Variants in TRHDE observed in about 807,000 individuals in gnomAD.
The protein encoded by TRHDE is thyrotropin-releasing hormone-degrading ectoenzyme.
Under a neutral mutation model 125.7 loss-of-function variants are expected in TRHDE, and 72 were observed. The ratio of observed to expected loss-of-function variants is 0.57; its 90% CI spans 0.47 to 0.70. The LOEUF (loss-of-function observed/expected upper bound fraction) is 0.70, where lower values mean the gene tolerates loss of function less well. Ranked by LOEUF, TRHDE falls within the 30% of genes least tolerant of loss-of-function variation. The probability of loss-of-function intolerance (pLI) is 0.00; values close to 1 mark genes in which losing one functional copy is unlikely to be tolerated. For synonymous variants in TRHDE, 509 were observed against 509.1 expected, an observed-to-expected ratio of 1.00 and a Z score of 0.00; for missense variants, 1,110 against 1,327.1, an observed-to-expected ratio of 0.84 and a Z score of 2.54.
At chr12:72,443,192 CTGTGTGTGTGTGTGTGTGTGTG>C (rs58277850) in intron 3 of TRHDE, among the ~76,000 whole-genome samples, 1 of 144,416 alleles carries the variant, frequency 6.9e-6, no homozygotes, top group African/African-American at 2.5e-5. Flanking sequence ...TACTTCTTTC[CTGTGTGTGTGTGTGTGTGTGTG>C]TGTGTGTGTG....
intron 2 of TRHDE, among the ~76,000 whole-genome samples, chr12:72,217,729 T>A (rs1487578175): frequency 1.3e-5 from 2 of 152,098 alleles, no homozygotes; most frequent in African/African-American, 2.4e-5. Context: ...CACAATATAA[T>A]GAATCAGAAA....
At chr12:72,486,716 A>T (rs1877425778) in intron 5 of TRHDE, among the ~76,000 whole-genome samples, 1 of 152,220 alleles carries the variant, frequency 6.6e-6, no homozygotes, top group Non-Finnish European at 1.5e-5. Flanking sequence ...ACCACTAAGT[A>T]TGCAAACATA....
chr12:72,128,490 C>G (rs1875777479), intron 2 of TRHDE, among the ~76,000 whole-genome samples: 1 of 152,260 alleles, frequency 6.6e-6, no homozygotes, highest in Non-Finnish European at 1.5e-5. Context: ...AGAACTGACA[C>G]AGATGTTAAA....
chr12:72,294,785 C>T (rs1437579137), intron 2 of TRHDE, among the ~76,000 whole-genome samples: 1 of 151,994 alleles, frequency 6.6e-6, no homozygotes, highest in Non-Finnish European at 1.5e-5. Context: ...TATCTGCAGG[C>T]CAGCATCAAG....
At chr12:72,392,886 T>A (rs1872660821) in intron 3 of TRHDE, among the ~76,000 whole-genome samples, 1 of 152,196 alleles carries the variant, frequency 6.6e-6, no homozygotes, top group African/African-American at 2.4e-5. Context: ...TTTAAGGGCA[T>A]CCATTTGCTT....
At chr12:72,368,786 T>C (rs2135760525) in intron 2 of TRHDE, among the ~76,000 whole-genome samples, 1 of 152,304 alleles carries the variant, frequency 6.6e-6, no homozygotes, top group East Asian at 1.9e-4. Context: ...CTATGAGATA[T>C]AATTAATTCA....
intron 2 of TRHDE, among the ~76,000 whole-genome samples, chr12:72,226,076 C>G (rs959702820): frequency 3.3e-5 from 5 of 152,216 alleles, no homozygotes; most frequent in Non-Finnish European, 7.3e-5. Context: ...ATCTGCAGAA[C>G]AGTCCACCTT....
chr12:72,327,083 G>A (rs1003290768), intron 2 of TRHDE, among the ~76,000 whole-genome samples: 2 of 148,976 alleles, frequency 1.3e-5, no homozygotes, highest in Non-Finnish European at 3.0e-5. Flanking sequence ...TTTTTTTTTT[G>A]GTGTGACTTC....
At chr12:72,176,035 T>C (rs1452566584) in intron 2 of TRHDE, among the ~76,000 whole-genome samples, 1 of 152,192 alleles carries the variant, frequency 6.6e-6, no homozygotes, top group Non-Finnish European at 1.5e-5. Context: ...GACCACCTTG[T>C]CAGTCAGAGA....
At chr12:72,291,438 C>G (rs1330131543) in intron 2 of TRHDE, among the ~76,000 whole-genome samples, 1 of 152,214 alleles carries the variant, frequency 6.6e-6, no homozygotes, top group Non-Finnish European at 1.5e-5. Context: ...CATTTGGCCC[C>G]ACCCTTTGGG....
At chr12:72,636,646 T>C (rs1475220890) in intron 15 of TRHDE, among the ~76,000 whole-genome samples, 1 of 152,224 alleles carries the variant, frequency 6.6e-6, no homozygotes, top group African/African-American at 2.4e-5. Context: ...GGGTCTGTCA[T>C]AGATAGCTCT....
chr12:72,546,824 A>G (rs1220892876), intron 7 of TRHDE, among the ~76,000 whole-genome samples: 1 of 151,674 alleles, frequency 6.6e-6, no homozygotes, highest in Non-Finnish European at 1.5e-5. Context: ...TCAGCTGCCT[A>G]GAGTACACCT....
At chr12:72,105,373 A>G (rs752905757) in intron 1 of TRHDE, among the ~76,000 whole-genome samples, 8 of 152,158 alleles carry the variant, frequency 5.3e-5, no homozygotes. Flanking sequence ...TGGATTCAGG[A>G]TTAAATGCAG....
At chr12:72,102,906 C>T (rs1028030959) in intron 1 of TRHDE, among the ~76,000 whole-genome samples, 1 of 152,164 alleles carries the variant, frequency 6.6e-6, no homozygotes, top group African/African-American at 2.4e-5. Flanking sequence ...ACCTGCTCAC[C>T]GAAGGCCATA....
At position 72,172,561 on chromosome 12, in the gene TRHDE, A is replaced by T. The variant is rs1876896602; in HGVS notation, n.279+66809A>T. On this transcript the variant is annotated intron_variant and non_coding_transcript_variant, in intron 2 of 4. Coordinates refer to the TRHDE transcript ENST00000548156. Reference sequence around the variant, plus strand: ...ATTCCAGTTTAGATTCAAGGGTATGACCAATATAACACTGACTGGTAGTCA... The same window carrying T: ...ATTCCAGTTTAGATTCAAGGGTATGTCCAATATAACACTGACTGGTAGTCA... 2.6e-5 allele frequency among the ~76,000 whole-genome samples: 4 copies of T among 152,172 alleles called. No individual in the cohort carries two copies. In the South Asian group the frequency reaches 8.3e-4, roughly 31 times the overall value.
rs116871885 is a variant in TRHDE, at chr12:72,397,782, A to G, written c.1315+19661A>G. 1.8e-4 allele frequency among the ~76,000 whole-genome samples: 28 copies of G among 152,310 alleles called. No homozygotes were observed. The East Asian group carries it at 5.2e-3, about 28-fold the overall frequency. ...ATCCCCTGATGACATTATCAAAAGT[A>G]ACTGCCCATTAGAACCTTTTTGGCA... is the stretch of plus-strand genomic sequence containing the variant. On this transcript the variant is annotated intron_variant, in intron 3 of 18. Transcript: ENST00000261180.
chr12:72,147,704 T>C (rs764914190), intron 2 of TRHDE: 3 of 152,236 alleles, frequency 2.0e-5, no homozygotes, highest in Non-Finnish European at 4.4e-5. Flanking sequence ...TTGAAGGTCA[T>C]GGTAAATCTT....
chr12:72,602,859 C>T (rs902462759), intron 12 of TRHDE, among the ~76,000 whole-genome samples: 3 of 152,254 alleles, frequency 2.0e-5, no homozygotes, highest in Admixed American at 2.0e-4. Flanking sequence ...CCCACAATTG[C>T]CCTTTAGCCA....
chr12:72,461,992 T>A (rs1352308195), intron 3 of TRHDE, among the ~76,000 whole-genome samples: 3 of 152,142 alleles, frequency 2.0e-5, no homozygotes, highest in Non-Finnish European at 4.4e-5. Context: ...ACTGTTAATA[T>A]CCCCATGTTA....
Sources: gnomAD v4.1 joint callset for allele counts (sites outside exome capture counted in the v4.1 genomes callset) on GRCh38, gnomAD v4.1.1 for gene constraint, MANE v1.5 for transcripts, NCBI Gene and HGNC (gene_info 2026-07-23, HGNC 2026-07-21) for gene names.